The following KL variants were observed in gnomAD, a reference collection of about 807,000 sequenced individuals.
KL encodes alpha-klotho.
Under a neutral mutation model 84.2 loss-of-function variants are expected in KL, and 62 were observed. The observed-to-expected ratio is 0.74, with a 90% CI of 0.60 to 0.91. KL has a LOEUF of 0.91. Ranked by LOEUF, KL falls within the 40% of genes least tolerant of loss-of-function variation. The pLI is 0.00. For synonymous variants in KL, 528 were observed against 528.0 expected, an observed-to-expected ratio of 1.00 and a Z score of 0.00; for missense variants, 1,261 against 1,305.7, an observed-to-expected ratio of 0.97 and a Z score of 0.53.
chr13:33,052,361 T>A (rs560434805), intron 1 of KL, among the ~76,000 whole-genome samples: 2 of 152,228 alleles, frequency 1.3e-5, no homozygotes, highest in South Asian at 2.1e-4. Context: ...GTAGGAGACA[T>A]CATAAAACTG....
At chr13:33,023,536 C>T (rs546503545) in intron 1 of KL, among the ~76,000 whole-genome samples, 21 of 152,192 alleles carry the variant, frequency 1.4e-4, no homozygotes, top group African/African-American at 5.1e-4. Flanking sequence ...TTTGAAATAA[C>T]GTATTTTTAC....
In KL at chr13:33,060,813, C is replaced by G; in HGVS notation, c.1734C>G (p.Ile578Met). 1.2e-6 allele frequency: 2 copies of G among 1,614,236 alleles called. No homozygotes were observed. Among genetic ancestry groups the G allele is most frequent in the Non-Finnish European group, 1.7e-6 (2 of 1,180,042 alleles). ...RKSYCVDFAA[I>M]QPQIALLQEM... is the part of the protein sequence containing the mutation. ...CCTACTGTGTTGACTTTGCTGCCAT[C>G]CAGCCCCAGATCGCTTTACTCCAGG... The change falls in exon 4 of 5, where the codon ATC becomes ATG. Residue 578 changes from isoleucine to methionine, a missense_variant. By Grantham distance (10) the Ile-to-Met change is conservative (BLOSUM62 1). Transcript: ENST00000380099.
intron 1 of KL, among the ~76,000 whole-genome samples, chr13:33,038,862 T>G (rs2138211099): frequency 6.6e-6 from 1 of 152,212 alleles, no homozygotes; most frequent in Middle Eastern, 3.4e-3. Flanking sequence ...ATATAGTAAA[T>G]AATTTGAACT....
intron 1 of KL, among the ~76,000 whole-genome samples, chr13:33,021,486 A>T (rs1870572765): frequency 6.6e-6 from 1 of 152,204 alleles, no homozygotes; most frequent in Non-Finnish European, 1.5e-5. Flanking sequence ...TTGAATTTTT[A>T]TTCCCCAAGT....
Position 33,034,535 on chromosome 13 carries a change from G to C in KL, c.819+17276G>C, listed in dbSNP as rs373195019. ...AAGGAAAATAAAGACTCTTGTGAGT[G>C]CCACCAAAAAAAAAAATAAATAAAA... On this transcript the variant is annotated intron_variant, in intron 1 of 4. Transcript: ENST00000380099. Among the ~76,000 whole-genome samples the C allele has an allele frequency of 7.3e-5, 11 of 150,824 alleles. No individual in the cohort carries two copies. The East Asian group carries it at 1.7e-3, about 24-fold the overall frequency.
chr13:33,054,023 T>G lies in KL; in HGVS notation c.1076T>G (p.Phe359Cys). The change falls in exon 2 of 5, where the codon TTC (phenylalanine) becomes TGC (cysteine). Residue 359 changes from phenylalanine (F) to cysteine (C), a missense_variant. Physicochemically the swap from Phe to Cys is radical, Grantham distance 205. Coordinates refer to ENST00000380099, the MANE Select transcript of KL (RefSeq NM_004795.4). The stretch of plus-strand genomic sequence containing the variant: ...GATTTTACTGAATCTGAGAAAAAGT[T>G]CATCAAAGGAACTGCTGACTTTTTT... ...LPDFTESEKK[F>C]IKGTADFFAL... The G allele has an allele frequency of 6.2e-7, 1 of 1,613,084 alleles. No homozygotes were observed. Among genetic ancestry groups the G allele is most frequent in the Non-Finnish European group, 8.5e-7 (1 of 1,179,186 alleles).
rs1291140225 is a variant in KL, at chr13:33,063,729, A to C, written c.2702-120A>C. On this transcript the variant is annotated intron_variant, in intron 4 of 4. Transcript: ENST00000380099. ...GAGGCGGAGGTTGCAGTGAGTCAAG[A>C]TGGTGCCATTGCACTCCAGCCTGTG... The C allele has an allele frequency of 1.0e-5, 9 of 889,196 alleles. No individual in the cohort carries two copies. In the Admixed American group the frequency reaches 1.6e-4, roughly 15 times the overall value. 55.1% of individuals were successfully genotyped at this position (889,196 alleles called of 1,614,324 possible). A position where few individuals can be genotyped will look rare whatever the true frequency, so the allele number is the denominator to read the frequency against.
intron 1 of KL, among the ~76,000 whole-genome samples, chr13:33,040,151 T>G (rs1388013415): frequency 6.6e-6 from 1 of 152,202 alleles, no homozygotes; most frequent in African/African-American, 2.4e-5. Context: ...TGGGAAATTA[T>G]TTATGTGTTC....
Position 33,053,750 on chromosome 13 carries a change from G to T in KL, c.820-17G>T. The T allele has an allele frequency of 6.2e-7, 1 of 1,613,392 alleles. No homozygotes were observed. Among genetic ancestry groups the T allele is most frequent in the South Asian group, 1.1e-5 (1 of 91,026 alleles). ...TCACAACTAGAGATAAATTTGCCATGGTTTTTCTCTTCATAGGCTCATGCC... is the reference window on the plus strand; with the variant it reads ...TCACAACTAGAGATAAATTTGCCATTGTTTTTCTCTTCATAGGCTCATGCC... On this transcript the variant is annotated splice_polypyrimidine_tract_variant and intron_variant, in intron 1 of 4. Transcript: ENST00000380099.
At chr13:33,041,085 G>A (rs1345562428) in intron 1 of KL, among the ~76,000 whole-genome samples, 2 of 151,950 alleles carry the variant, frequency 1.3e-5, no homozygotes, top group African/African-American at 2.4e-5. Context: ...TATTTTCCAC[G>A]TAGTAGCCAC....
Position 33,061,111 on chromosome 13 carries a change from G to T in KL, c.2032G>T (p.Gly678Cys). ...TGCCCGACTGTGCTTTCAAGAGCTCGGCCATCACGTCAAGCTTTGGATAAC... is the reference window on the plus strand; with the variant it reads ...TGCCCGACTGTGCTTTCAAGAGCTCTGCCATCACGTCAAGCTTTGGATAAC... ...EYARLCFQEL[G>C]HHVKLWITMN... The change falls in exon 4 of 5, where the codon GGC becomes TGC. Residue 678 changes from glycine (G) to cysteine (C), a missense_variant. Coordinates refer to ENST00000380099, the MANE Select transcript of KL (RefSeq NM_004795.4). The T allele has an allele frequency of 6.2e-7, 1 of 1,613,926 alleles. No individual in the cohort carries two copies. Among genetic ancestry groups the T allele is most frequent in the Non-Finnish European group, 8.5e-7 (1 of 1,179,862 alleles).
chr13:33,047,356 CT>C (rs57916391), intron 1 of KL, among the ~76,000 whole-genome samples: 89,526 of 139,092 alleles, frequency 0.64, 28,561 homozygotes, highest in Admixed American at 0.74. Context: ...AATCTACTTT[CT>C]TTTTTTTTTT....
At position 33,065,979 on chromosome 13, in the gene KL, G is replaced by C; in HGVS notation, c.*1793G>C. The C allele has an allele frequency of 5.7e-6, 1 of 176,518 alleles. No homozygotes were observed. The highest frequency in any genetic ancestry group is 1.2e-5 in the Non-Finnish European group (1 of 81,946). 10.9% of individuals were successfully genotyped at this position (176,518 alleles called of 1,614,324 possible). A position where few individuals can be genotyped will look rare whatever the true frequency, so the allele number is the denominator to read the frequency against. ...TATCACAACTTAACCGTTCCCGTTT[G>C]TTAGACTAGTTTCTTATTAATGTTG... is the stretch of plus-strand genomic sequence containing the variant. On this transcript the variant is annotated 3_prime_UTR_variant, in exon 5 of 5. Coordinates refer to ENST00000380099, the MANE Select transcript of KL (RefSeq NM_004795.4).
intron 1 of KL, among the ~76,000 whole-genome samples, chr13:33,035,433 G>A (rs1871120045): frequency 6.6e-6 from 1 of 152,174 alleles, no homozygotes; most frequent in Non-Finnish European, 1.5e-5. Context: ...CAGTTTTGTT[G>A]ATATTGGAGA....
intron 1 of KL, among the ~76,000 whole-genome samples, chr13:33,046,212 G>A (rs1398964163): frequency 6.6e-6 from 1 of 152,234 alleles, no homozygotes; most frequent in Admixed American, 6.5e-5. Context: ...CTTGAAAAGA[G>A]TCGTGTTAAT....
At chr13:33,054,724 A>G (rs1240401004) in intron 2 of KL, among the ~76,000 whole-genome samples, 1 of 152,256 alleles carries the variant, frequency 6.6e-6, no homozygotes. Flanking sequence ...ATTGCATCAG[A>G]CACAAAGCTG....
intron 3 of KL, among the ~76,000 whole-genome samples, chr13:33,058,751 TA>T (rs573851286): frequency 1.3e-4 from 20 of 149,246 alleles, no homozygotes; most frequent in South Asian, 2.1e-4. Context: ...CAATCACGGT[TA>T]AAAAAAAAAG....
At chr13:33,045,957 T>A (rs1221544878) in intron 1 of KL, among the ~76,000 whole-genome samples, 3 of 152,234 alleles carry the variant, frequency 2.0e-5, no homozygotes, top group Admixed American at 2.0e-4. Context: ...ACGATTTTTT[T>A]TAATGTTTAC....
At chr13:33,025,814 G>GT (rs200257009) in intron 1 of KL, among the ~76,000 whole-genome samples, 4 of 148,170 alleles carry the variant, frequency 2.7e-5, no homozygotes, top group Admixed American at 6.6e-5. Flanking sequence ...AACCTCTCAG[G>GT]TTTTTTCCCC....
Sources: gnomAD v4.1 joint callset for allele counts (sites outside exome capture counted in the v4.1 genomes callset) on GRCh38, gnomAD v4.1.1 for gene constraint, MANE v1.5 for transcripts, NCBI Gene and HGNC (gene_info 2026-07-23, HGNC 2026-07-21) for gene names.